ETFBKMT: variants seen among roughly 807,000 people sequenced by gnomAD.
ETFBKMT encodes electron transfer flavoprotein beta subunit lysine methyltransferase.
Under a neutral mutation model 18.3 loss-of-function variants are expected in ETFBKMT, and 13 were observed. The ratio of observed to expected loss-of-function variants is 0.71; its 90% confidence interval spans 0.46 to 1.13. The LOEUF is 1.13. Ranked by LOEUF, ETFBKMT falls within the 50% of genes most tolerant of loss-of-function variation. The pLI is 0.00. For synonymous variants in ETFBKMT, 84 were observed against 107.9 expected, an observed-to-expected ratio of 0.78 and a Z score of 1.37; for missense variants, 293 against 306.2, an observed-to-expected ratio of 0.96 and a Z score of 0.32.
At chr12:31,652,937 G>A (rs1015601188) in intron 1 of ETFBKMT, among the ~76,000 whole-genome samples, 1 of 152,230 alleles carries the variant, frequency 6.6e-6, no homozygotes, top group Non-Finnish European at 1.5e-5. Context: ...GGCCGGTCGC[G>A]GTGGCTCATG....
upstream of ETFBKMT, among the ~76,000 whole-genome samples, chr12:31,655,977 C>T (rs1205417240): frequency 1.3e-5 from 2 of 152,286 alleles, no homozygotes; most frequent in East Asian, 3.9e-4. Context: ...AAATATACCT[C>T]AATAAAGCTG....
rs1055238436 is a variant in ETFBKMT, at chr12:31,672,765, A to C, written c.*4775A>C. 2 of 169,340 alleles carry C rather than the reference A, an allele frequency of 1.2e-5. No individual in the cohort carries two copies. Among genetic ancestry groups the C allele is most frequent in the African/African-American group, 4.8e-5 (2 of 41,684 alleles). The allele number at this position is 169,340 out of a possible 1,614,324, so 10.5% of individuals were successfully genotyped here. A position where few individuals can be genotyped will look rare whatever the true frequency, so the allele number is the denominator to read the frequency against. On this transcript the variant is annotated 3_prime_UTR_variant, in exon 4 of 4. Coordinates refer to ENST00000357721, the MANE Select transcript of ETFBKMT (RefSeq NM_001135863.2). The stretch of plus-strand genomic sequence containing the variant: ...AAAGTGGGGTGACTGAACAGCATTT[A>C]ATGAAGGGAATATTTACCAAAAAAG...
At chr12:31,657,791 CAAAAAAAAAAA>C (rs777612236), upstream of ETFBKMT, among the ~76,000 whole-genome samples, 1 of 46,332 alleles carries the variant, frequency 2.2e-5, no homozygotes, top group East Asian at 4.8e-4. Context: ...GACTTCATCT[CAAAAAAAAAAA>C]AAAAAAAAAA....
At chr12:31,660,660 C>A (rs1011331573) in intron 1 of ETFBKMT, 4 of 152,054 alleles carry the variant, frequency 2.6e-5, no homozygotes, top group African/African-American at 9.7e-5. Context: ...AGTTGATGTT[C>A]TTTTATTACA....
upstream of ETFBKMT, among the ~76,000 whole-genome samples, chr12:31,656,443 C>T (rs536410905): frequency 6.6e-6 from 1 of 152,200 alleles, no homozygotes; most frequent in South Asian, 2.1e-4. Flanking sequence ...CGGGACTGAT[C>T]AGCATGGGCC....
rs957898982 is a variant in ETFBKMT at position 31,671,195 on chromosome 12, A to G, written c.*3205A>G. ...TTGAATTTGTCTTTAGAAAAATTTC[A>G]TAGTTAGAACAGGCCTTACCCATTT... On this transcript the variant is annotated 3_prime_UTR_variant, in exon 4 of 4. Coordinates refer to ENST00000357721, the MANE Select transcript of ETFBKMT (RefSeq NM_001135863.2). 6.6e-6 allele frequency: 1 copy of G among 152,206 alleles called. No homozygotes were observed. Among genetic ancestry groups the G allele is most frequent in the African/African-American group, 2.4e-5 (1 of 41,454 alleles). The allele number at this position is 152,206 out of a possible 1,614,324, so 9.4% of individuals were successfully genotyped here. A position where few individuals can be genotyped will look rare whatever the true frequency, so the allele number is the denominator to read the frequency against.
At chr12:31,652,402 C>T (rs995937178) in intron 1 of ETFBKMT, among the ~76,000 whole-genome samples, 5 of 152,164 alleles carry the variant, frequency 3.3e-5, no homozygotes, top group African/African-American at 9.7e-5. Flanking sequence ...GTGATTCCCC[C>T]GCAATTTACT....
rs763275046 is a variant in ETFBKMT, at chr12:31,666,218, G to A, written c.445+1G>A. 3.1e-6 allele frequency: 5 copies of A among 1,603,482 alleles called. No homozygotes were observed. In the Admixed American group the frequency reaches 8.9e-5, roughly 28 times the overall value. On this transcript the variant is annotated splice_donor_variant, in intron 3 of 3. Coordinates refer to ENST00000357721, the MANE Select transcript of ETFBKMT (RefSeq NM_001135863.2). LOFTEE classifies it high-confidence loss of function. ...ATCTTGGCCAATGACATAGACCCTA[G>A]TAAGGATTCATATTTTAAAATATTT...
At chr12:31,648,104 G>A (rs896453620) in intron 1 of ETFBKMT, among the ~76,000 whole-genome samples, 1 of 152,160 alleles carries the variant, frequency 6.6e-6, no homozygotes, top group Non-Finnish European at 1.5e-5. Flanking sequence ...TAGCCAGAAA[G>A]TGGAAACCAC....
rs1289643981 is a variant in ETFBKMT at position 31,668,719 on chromosome 12, C to G, written c.*729C>G. The G allele has an allele frequency of 1.3e-5, 2 of 152,412 alleles. No homozygotes were observed. Among genetic ancestry groups the G allele is most frequent in the Non-Finnish European group, 2.9e-5 (2 of 68,104 alleles). The allele number at this position is 152,412 out of a possible 1,614,324, so 9.4% of individuals were successfully genotyped here. A position where few individuals can be genotyped will look rare whatever the true frequency, so the allele number is the denominator to read the frequency against. On this transcript the variant is annotated 3_prime_UTR_variant, in exon 4 of 4. Coordinates refer to ENST00000357721, the MANE Select transcript of ETFBKMT (RefSeq NM_001135863.2). ...TGTTGGCCAGGCCGGTCTCAAACTC[C>G]TGACCTCAGGTGATCCACCCGCCTT...
At chr12:31,652,366 GTCCCT>G (rs1951025438) in intron 1 of ETFBKMT, among the ~76,000 whole-genome samples, 1 of 152,146 alleles carries the variant, frequency 6.6e-6, no homozygotes, top group Non-Finnish European at 1.5e-5. Flanking sequence ...CAGTGGTATG[GTCCCT>G]TCATCACCAT....
At chr12:31,661,706 G>C (rs964775193) in intron 1 of ETFBKMT, 135 bp from the exon 2 acceptor site, 7 of 401,892 alleles carry the variant, frequency 1.7e-5, no homozygotes, top group South Asian at 2.8e-5. Context: ...TGATCCACCC[G>C]CCTTGGCCTC....
chr12:31,648,852 C>T (rs539304230), intron 1 of ETFBKMT, among the ~76,000 whole-genome samples: 169 of 152,228 alleles, frequency 1.1e-3, no homozygotes, highest in Non-Finnish European at 1.7e-3. Flanking sequence ...TGAGCCACCG[C>T]GCCCAGCCCT....
upstream of ETFBKMT, among the ~76,000 whole-genome samples, chr12:31,654,245 T>A (rs972633274): frequency 1.3e-5 from 2 of 152,196 alleles, no homozygotes; most frequent in African/African-American, 4.8e-5. Context: ...AGACACGGTT[T>A]CACCATGTTG....
At chr12:31,653,098 A>G (rs1431716065) in intron 1 of ETFBKMT, among the ~76,000 whole-genome samples, 4 of 151,846 alleles carry the variant, frequency 2.6e-5, no homozygotes, top group Admixed American at 6.6e-5. Flanking sequence ...AGTCCCAGCT[A>G]CTCAGGAGCC....
Position 31,661,991 on chromosome 12 carries a change from A to G in ETFBKMT, c.38A>G (p.His13Arg), listed in dbSNP as rs780503955. ...CTAGGTTGGAAAGCACACAGGAACC[A>G]CTGTGGTCTCCTCTTGCAGGCTCTG... The part of the protein sequence containing the change: ...LSLGWKAHRN[H>R]CGLLLQALRS... The change falls in exon 2 of 4, where the codon CAC becomes CGC. Residue 13 changes from histidine (H) to arginine (R), a missense_variant. His to Arg is a conservative substitution (Grantham distance 29, BLOSUM62 0). Transcript: ENST00000357721. 13 of 1,614,058 alleles carry G rather than the reference A, an allele frequency of 8.1e-6. No homozygotes were observed. The highest frequency in any genetic ancestry group is 1.1e-5 in the Non-Finnish European group (13 of 1,180,034).
chr12:31,662,353 C>A, intron 2 of ETFBKMT, 86 bp downstream of exon 2: 1 of 1,310,082 alleles, frequency 7.6e-7, no homozygotes, highest in Non-Finnish European at 1.1e-6. Flanking sequence ...CAGAGCAATG[C>A]TAGGCGTGGT....
chr12:31,655,461 A>G (rs187014490), upstream of ETFBKMT, among the ~76,000 whole-genome samples: 569 of 152,312 alleles, frequency 3.7e-3, 6 homozygotes, highest in Non-Finnish European at 3.6e-3. Context: ...CTGTGACTTA[A>G]GTCTAACTCC....
At chr12:31,660,527 A>G (rs1386633924) in intron 1 of ETFBKMT, among the ~76,000 whole-genome samples, 2 of 152,094 alleles carry the variant, frequency 1.3e-5, no homozygotes, top group Non-Finnish European at 2.9e-5. Flanking sequence ...TTTTCTATAT[A>G]TATATATTTT....
Sources: gnomAD v4.1 joint callset for allele counts (sites outside exome capture counted in the v4.1 genomes callset) on GRCh38, gnomAD v4.1.1 for gene constraint, MANE v1.5 for transcripts, NCBI Gene and HGNC (gene_info 2026-07-23, HGNC 2026-07-21) for gene names.